Variants in DPH6 observed in about 807,000 individuals in gnomAD.
The protein encoded by DPH6 is diphthine--ammonia ligase.
DPH6 carries 33 observed loss-of-function variants against 38.2 expected under a neutral mutation model. The observed-to-expected ratio is 0.86, with a 90% CI of 0.65 to 1.15. The LOEUF (loss-of-function observed/expected upper bound fraction) is 1.15. Ranked by LOEUF, DPH6 falls within the 50% of genes most tolerant of loss-of-function variation. DPH6 has a pLI of 0.00. For synonymous variants in DPH6, 108 were observed against 103.0 expected, an observed-to-expected ratio of 1.05 and a Z score of -0.30; for missense variants, 325 against 320.0, an observed-to-expected ratio of 1.02 and a Z score of -0.12.
At chr15:35,278,910 G>T (rs992037825) in intron 3 of DPH6, among the ~76,000 whole-genome samples, 3 of 151,818 alleles carry the variant, frequency 2.0e-5, no homozygotes, top group Non-Finnish European at 4.4e-5. Flanking sequence ...TTACGTGGGC[G>T]TGGTGGCACA....
chr15:35,168,702 A>G, the DPH6 span, among the ~76,000 whole-genome samples: 3 of 152,266 alleles, frequency 2.0e-5, no homozygotes, highest in African/African-American at 7.2e-5. Context: ...AGTATAATTT[A>G]TTCAGAGAAT....
chr15:35,475,324 CA>C (rs2054251387), intron 3 of DPH6, among the ~76,000 whole-genome samples: 1 of 151,966 alleles, frequency 6.6e-6, no homozygotes, highest in African/African-American at 2.4e-5. Flanking sequence ...GAAATAAATG[CA>C]AACACCAGAA....
At chr15:35,288,590 T>C (rs907477440) in intron 3 of DPH6, among the ~76,000 whole-genome samples, 1 of 152,180 alleles carries the variant, frequency 6.6e-6, no homozygotes, top group Non-Finnish European at 1.5e-5. Flanking sequence ...CTGATGCACA[T>C]ATCACAAAAT....
At chr15:35,233,497 C>CA (rs1354373137) in intron 3 of DPH6, among the ~76,000 whole-genome samples, 2 of 152,060 alleles carry the variant, frequency 1.3e-5, no homozygotes, top group Admixed American at 6.5e-5. Context: ...TACACTGTTA[C>CA]AAAATCAATA....
At chr15:35,247,588 A>C (rs1313715924) in intron 3 of DPH6, among the ~76,000 whole-genome samples, 1 of 152,206 alleles carries the variant, frequency 6.6e-6, no homozygotes, top group Non-Finnish European at 1.5e-5. Context: ...TCAAGACTAG[A>C]GAAGACCTGC....
the DPH6 span, among the ~76,000 whole-genome samples, chr15:35,154,750 C>T: frequency 6.6e-6 from 1 of 152,144 alleles, no homozygotes; most frequent in African/African-American, 2.4e-5. Context: ...ATTACAGTGG[C>T]AGGTTCCTTT....
chr15:35,353,465 A>G (rs2052533092), intron 3 of DPH6, among the ~76,000 whole-genome samples: 1 of 152,172 alleles, frequency 6.6e-6, no homozygotes, highest in Admixed American at 6.5e-5. Flanking sequence ...TATAAGGTGT[A>G]AGGAAGGGAT....
intron 3 of DPH6, chr15:35,489,409 C>G (rs1352739767): frequency 2.0e-6 from 2 of 985,132 alleles, no homozygotes; most frequent in Non-Finnish European, 2.4e-6. Context: ...GAATCTTAAA[C>G]TAGCTTAACT....
intron 3 of DPH6, among the ~76,000 whole-genome samples, chr15:35,272,073 C>G (rs1310305549): frequency 6.6e-6 from 1 of 152,052 alleles, no homozygotes; most frequent in Non-Finnish European, 1.5e-5. Flanking sequence ...ATGGATTCTG[C>G]TTCTGTGGAT....
At chr15:35,242,041 A>G (rs559469645) in intron 3 of DPH6, among the ~76,000 whole-genome samples, 4,630 of 143,780 alleles carry the variant, frequency 0.032, 359 homozygotes, top group African/African-American at 0.05. Context: ...TTTCTTTACT[A>G]TTCCTTTGCA....
chr15:35,446,229 C>CTTTTTTTTTTTTTTT (rs71123132), intron 5 of DPH6, among the ~76,000 whole-genome samples: 1 of 95,028 alleles, frequency 1.1e-5, no homozygotes, highest in African/African-American at 4.2e-5. Context: ...TTTTTTTTTC[C>CTTTTTTTTTTTTTTT]TTTTTTTTTT....
rs74778591 is a variant in DPH6 at position 35,482,689 on chromosome 15, C to T, written c.313-27869G>A. Reference sequence around the variant, plus strand: ...CAAAATGATAAATTTAAGCCCTTACCTCACACCACATACAAAAAATAACTA... The same window carrying T: ...CAAAATGATAAATTTAAGCCCTTACTTCACACCACATACAAAAAATAACTA... On this transcript the variant is annotated intron_variant, in intron 3 of 8. Coordinates refer to ENST00000256538, the MANE Select transcript of DPH6 (RefSeq NM_080650.4). 3.1e-3 allele frequency among the ~76,000 whole-genome samples: 472 copies of T among 152,070 alleles called. 3 individuals are homozygous for T. The East Asian group carries it at 0.035, about 11-fold the overall frequency.
At chr15:35,469,828 C>T (rs922264121) in intron 3 of DPH6, among the ~76,000 whole-genome samples, 3 of 152,012 alleles carry the variant, frequency 2.0e-5, no homozygotes, top group Admixed American at 1.3e-4. Flanking sequence ...AACATATAAA[C>T]TGAAAGAAGA....
At chr15:35,358,342 G>A (rs1226338023) in intron 3 of DPH6, among the ~76,000 whole-genome samples, 3 of 151,984 alleles carry the variant, frequency 2.0e-5, no homozygotes, top group Non-Finnish European at 4.4e-5. Context: ...GTCCCTCTCT[G>A]ATTAGTTTAG....
intron 3 of DPH6, among the ~76,000 whole-genome samples, chr15:35,475,894 G>C (rs2054258189): frequency 6.6e-6 from 1 of 151,730 alleles, no homozygotes; most frequent in Non-Finnish European, 1.5e-5. Context: ...CCCTCAAGAA[G>C]CTTATATATA....
At chr15:35,297,396 C>G (rs2052022634) in intron 3 of DPH6, among the ~76,000 whole-genome samples, 1 of 149,386 alleles carries the variant, frequency 6.7e-6, no homozygotes, top group African/African-American at 2.5e-5. Flanking sequence ...CTGGTCTTGT[C>G]TAAGTTCTCA....
At chr15:35,152,600 AGCAATAC>A in the DPH6 span, among the ~76,000 whole-genome samples, 18 of 152,162 alleles carry the variant, frequency 1.2e-4, no homozygotes, top group Non-Finnish European at 2.2e-4. Context: ...CCCAGGTTCA[AGCAATAC>A]TCCTGCCTCA....
intron 6 of DPH6, chr15:35,400,570 ACT>A: frequency 1.5e-5 from 5 of 341,590 alleles, no homozygotes; most frequent in Non-Finnish European, 2.7e-5. Context: ...TGTGTCAAAC[ACT>A]GAAGAACCAT....
chr15:35,494,700 T>C (rs1346029955), intron 3 of DPH6, among the ~76,000 whole-genome samples: 2 of 152,014 alleles, frequency 1.3e-5, no homozygotes, highest in African/African-American at 4.8e-5. Context: ...ATTTACTATA[T>C]CAAAACTATC....
Sources: gnomAD v4.1 joint callset for allele counts (sites outside exome capture counted in the v4.1 genomes callset) on GRCh38, gnomAD v4.1.1 for gene constraint, MANE v1.5 for transcripts, NCBI Gene and HGNC (gene_info 2026-07-23, HGNC 2026-07-21) for gene names.